Variants in SRRM2 observed in about 807,000 individuals in gnomAD.
SRRM2 encodes the protein serine/arginine repetitive matrix protein 2.
In SRRM2, 30 loss-of-function variants were observed where a neutral mutation model predicts 213.8. The ratio of observed to expected loss-of-function variants is 0.14; its 90% CI spans 0.10 to 0.19. The LOEUF (loss-of-function observed/expected upper bound fraction) is 0.19. Ranked by LOEUF, SRRM2 falls within the 10% of genes least tolerant of loss-of-function variation. SRRM2 has a pLI of 1.00. For synonymous variants in SRRM2, 2,025 were observed against 1,377.7 expected, an observed-to-expected ratio of 1.47 and a Z score of -10.40; for missense variants, 4,904 against 3,647.0, an observed-to-expected ratio of 1.34 and a Z score of -8.88.
intron 12 of SRRM2, chr16:2,770,080 C>A: frequency 7.8e-7 from 1 of 1,284,394 alleles, no homozygotes; most frequent in Non-Finnish European, 1.0e-6. Context: ...GCTTCCCACA[C>A]ACGGGGCCGT....
intron 1 of SRRM2, chr16:2,753,557 A>G (rs750784699): frequency 2.0e-5 from 3 of 152,172 alleles, no homozygotes; most frequent in South Asian, 2.1e-4. Context: ...CACTTTTTCA[A>G]CGTCTCCCGA....
In SRRM2 at chr16:2,767,348, A is replaced by C. The variant is rs1239621741; in HGVS notation, c.6820A>C (p.Arg2274=). The C allele has an allele frequency of 6.2e-7, 1 of 1,613,770 alleles. No homozygotes were observed. Among genetic ancestry groups the C allele is most frequent in the Non-Finnish European group, 8.5e-7 (1 of 1,180,050 alleles). The part of the protein sequence containing the change: ...AAAAMNLASP[R]TAVAPSAVNL... ...AGCGGCCATGAACTTGGCCAGCCCC[A>C]GAACAGCGGTGGCACCTTCGGCTGT... Residue 2274 remains arginine, a synonymous_variant, in exon 11 of 15, where the codon AGA becomes CGA. Coordinates refer to ENST00000301740, the MANE Select transcript of SRRM2 (RefSeq NM_016333.4).
rs2068265930 is a variant in SRRM2, at chr16:2,759,557, G to A, written c.741-12G>A. 1.9e-6 allele frequency: 3 copies of A among 1,614,000 alleles called. No homozygotes were observed. Among genetic ancestry groups the A allele is most frequent in the Non-Finnish European group, 2.5e-6 (3 of 1,179,924 alleles). On this transcript the variant is annotated splice_polypyrimidine_tract_variant and intron_variant, in intron 8 of 14. Transcript: ENST00000301740. Reference sequence around the variant, plus strand: ...AGCAGTACCCTGAGCTGTGGTGGTGGTCTTCCTTCAGGTCTCGAAGTACAA... The same window carrying A: ...AGCAGTACCCTGAGCTGTGGTGGTGATCTTCCTTCAGGTCTCGAAGTACAA...
Position 2,762,148 on chromosome 16 carries a change from A to C in SRRM2, c.1620A>C (p.Pro540=), listed in dbSNP as rs1465946503. Residue 540 remains proline, a synonymous_variant, in exon 11 of 15, where the codon CCA becomes CCC. Transcript: ENST00000301740. ...GCCGCTCTAGGTCTCCTCAGCGACC[A>C]GGCTGGTCTAGGAGCAGAAATACCC... ...RRGRSRSPQR[P]GWSRSRNTQR... The C allele has an allele frequency of 1.9e-6, 3 of 1,613,854 alleles. No homozygotes were observed. The highest frequency in any genetic ancestry group is 1.7e-6 in the Non-Finnish European group (2 of 1,179,922).
chr16:2,763,913 T>C lies in SRRM2; in HGVS notation c.3385T>C (p.Ser1129Pro), dbSNP rs1596281109. 1 of 1,614,234 alleles carries C rather than the reference T, an allele frequency of 6.2e-7. No homozygotes were observed. The highest frequency in any genetic ancestry group is 8.5e-7 in the Non-Finnish European group (1 of 1,180,042). Residue 1129 changes from serine (S) to proline (P), a missense_variant, in exon 11 of 15, where the codon TCT becomes CCT. Ser to Pro is a moderately conservative substitution (Grantham distance 74). Coordinates refer to ENST00000301740, the MANE Select transcript of SRRM2 (RefSeq NM_016333.4). ...GTTCTCAGCGAGTCCTATGTTGAAA[T>C]CTGGAATGTCTCCTGAGCAGAGCAG... is the stretch of plus-strand genomic sequence containing the variant. ...GEFSASPMLK[S>P]GMSPEQSRFQ... is the part of the protein sequence containing the mutation.
chr16:2,768,870 G>C, intron 11 of SRRM2, 127 bp from the exon 12 acceptor site: 1 of 1,540,502 alleles, frequency 6.5e-7, no homozygotes, highest in South Asian at 1.2e-5. Flanking sequence ...GCTGGCTCAC[G>C]TGGCTCGGAG....
intron 4 of SRRM2, 103 bp downstream of exon 4, chr16:2,758,048 A>G (rs1596265525): frequency 7.0e-6 from 10 of 1,425,178 alleles, no homozygotes; most frequent in Non-Finnish European, 8.5e-6. Flanking sequence ...AACTCTTCAG[A>G]TTTTGTTCTT....
At position 2,766,330 on chromosome 16, in the gene SRRM2, T is replaced by C. The variant is rs747813342; in HGVS notation, c.5802T>C (p.Arg1934=). The change falls in exon 11 of 15, where the codon CGT becomes CGC. Residue 1934 remains arginine, a synonymous_variant. Transcript: ENST00000301740. The surrounding 1 kb of genome is among the most constrained non-coding windows in gnomAD (Gnocchi z 7.0). ...GAACGCCACCAGTAACCCGCCGTCGTTCAAGGTCTAGAACGCCAACAACAC... is the reference window on the plus strand; with the variant it reads ...GAACGCCACCAGTAACCCGCCGTCGCTCAAGGTCTAGAACGCCAACAACAC... The part of the protein sequence containing the change: ...RSRTPPVTRR[R]SRSRTPTTRR... The C allele has an allele frequency of 5.0e-6, 8 of 1,613,910 alleles. No homozygotes were observed. In the African/African-American group the frequency reaches 1.1e-4, roughly 22 times the overall value.
rs1466211627 is a variant in SRRM2, at chr16:2,765,568, C to T, written c.5040C>T (p.Thr1680=). The change falls in exon 11 of 15, where the codon ACC becomes ACT. Residue 1680 remains threonine (T), a synonymous_variant. Transcript: ENST00000301740. Reference sequence around the variant, plus strand: ...CCAGGTCATCACCAGAGCCCAAGACCAAGTCTCGTACACCACCTCGACGTC... The same window carrying T: ...CCAGGTCATCACCAGAGCCCAAGACTAAGTCTCGTACACCACCTCGACGTC... ...RGSRSSPEPK[T]KSRTPPRRRS... 1 of 1,614,182 alleles carries T rather than the reference C, an allele frequency of 6.2e-7. No individual in the cohort carries two copies. The highest frequency in any genetic ancestry group is 1.3e-5 in the African/African-American group (1 of 75,038).
intron 12 of SRRM2, 148 bp downstream of exon 12, chr16:2,769,432 A>C: frequency 1.1e-6 from 1 of 908,972 alleles, no homozygotes; most frequent in Non-Finnish European, 1.7e-6. Flanking sequence ...TCCTCTCCCC[A>C]TGCTCGTTGC....
chr16:2,756,743 T>C, intron 2 of SRRM2, 137 bp downstream of exon 2: 10 of 1,231,526 alleles, frequency 8.1e-6, no homozygotes, highest in Non-Finnish European at 1.1e-5. Context: ...AGATGAGCTC[T>C]AGAGAAGTGA....
At position 2,764,922 on chromosome 16, in the gene SRRM2, G is replaced by A. The variant is rs773830405; in HGVS notation, c.4394G>A (p.Gly1465Glu). The change falls in exon 11 of 15, where the codon GGA becomes GAA. Residue 1465 changes from glycine to glutamate, a missense_variant. By Grantham distance (98) the Gly-to-Glu change is moderately conservative. Transcript: ENST00000301740. ...CACAGCCTGTCTGGGTCCTCTCCTGGAATGAAAGATATACCTAGAACGCCA... is the reference window on the plus strand; with the variant it reads ...CACAGCCTGTCTGGGTCCTCTCCTGAAATGAAAGATATACCTAGAACGCCA... ...SRHSLSGSSP[G>E]MKDIPRTPSR... is the part of the protein sequence containing the mutation. 6.2e-7 allele frequency: 1 copy of A among 1,614,136 alleles called. No individual in the cohort carries two copies. Among genetic ancestry groups the A allele is most frequent in the South Asian group, 1.1e-5 (1 of 91,084 alleles).
rs774968619 is a variant in SRRM2, at chr16:2,762,716, C to A, written c.2188C>A (p.Arg730=). The change falls in exon 11 of 15, where the codon CGG becomes AGG. Residue 730 remains arginine, a synonymous_variant. Coordinates refer to ENST00000301740, the MANE Select transcript of SRRM2 (RefSeq NM_016333.4). ...AGGCAGATCTGGCTCATCTTCAGAG[C>A]GGAAAAACAAATCCAGAACATCTCA... ...RRGRSGSSSE[R]KNKSRTSQRR... The A allele has an allele frequency of 6.2e-7, 1 of 1,614,014 alleles. No homozygotes were observed. Among genetic ancestry groups the A allele is most frequent in the African/African-American group, 1.3e-5 (1 of 74,884 alleles).
chr16:2,771,295 C>A lies in SRRM2; in HGVS notation c.*428C>A, dbSNP rs199911255. The A allele has an allele frequency of 1.0e-6, 1 of 977,378 alleles. No homozygotes were observed. The highest frequency in any genetic ancestry group is 1.6e-6 in the Non-Finnish European group (1 of 621,150). The allele number at this position is 977,378 out of a possible 1,614,324, so 60.5% of individuals were successfully genotyped here. A position where few individuals can be genotyped will look rare whatever the true frequency, so the allele number is the denominator to read the frequency against. On this transcript the variant is annotated 3_prime_UTR_variant, in exon 15 of 15. Coordinates refer to ENST00000301740, the MANE Select transcript of SRRM2 (RefSeq NM_016333.4). ...GAATTAGTTGGTCCCTACTGTCCCC[C>A]ATGAGGTTGTGAACCCCTCCCCCCA...
At chr16:2,760,788 G>A (rs537283892) in intron 10 of SRRM2, 225 of 328,346 alleles carry the variant, frequency 6.9e-4, no homozygotes, top group Non-Finnish European at 1.1e-3. Context: ...TGTGTACTCC[G>A]TATGATGCCT....
At chr16:2,770,056 G>A (rs1002407204) in intron 12 of SRRM2, 31 of 1,102,044 alleles carry the variant, frequency 2.8e-5, no homozygotes, top group Non-Finnish European at 3.2e-5. Flanking sequence ...CCAGAGCCAC[G>A]CACATCCAGC....
In SRRM2 at chr16:2,765,564, A is replaced by C. The variant is rs748508049; in HGVS notation, c.5036A>C (p.Lys1679Thr). Residue 1679 changes from lysine (K) to threonine (T), a missense_variant, in exon 11 of 15, where the codon AAG becomes ACG. Transcript: ENST00000301740. ...RRGSRSSPEP[K>T]TKSRTPPRRR... ...GGTTCCAGGTCATCACCAGAGCCCA[A>C]GACCAAGTCTCGTACACCACCTCGA... 6.2e-7 allele frequency: 1 copy of C among 1,614,192 alleles called. No individual in the cohort carries two copies. Among genetic ancestry groups the C allele is most frequent in the South Asian group, 1.1e-5 (1 of 91,078 alleles).
Position 2,759,400 on chromosome 16 carries a change from G to T in SRRM2, c.738G>T (p.Lys246Asn). Residue 246 changes from lysine to asparagine, a missense_variant and splice_region_variant, in exon 8 of 15, where the codon AAG (lysine) becomes AAT (asparagine). By Grantham distance (94) the Lys-to-Asn change is moderately conservative. Transcript: ENST00000301740. ...SKRKSKDKKR[K>N]RSRSTTPAPK... is the part of the protein sequence containing the mutation. The stretch of plus-strand genomic sequence containing the variant: ...GTAAATCTAAGGACAAAAAGCGAAA[G>T]CGGTGAGTGAATTTGTGGGGAATTT... 1 of 1,593,012 alleles carries T rather than the reference G, an allele frequency of 6.3e-7. No individual in the cohort carries two copies.
Position 2,769,117 on chromosome 16 carries a change from T to TTCCTCC in SRRM2, c.7872_7877dup (p.Ser2647_Ser2648dup), listed in dbSNP as rs531076704. The TTCCTCC allele has an allele frequency of 1.9e-5, 31 of 1,611,448 alleles. No homozygotes were observed. Among genetic ancestry groups the TTCCTCC allele is most frequent in the Middle Eastern group, 3.3e-4 (2 of 6,076 alleles). ...CCAGTTCCAGCTCCTCCTCTTCATC[T>TTCCTCC]TCCTCCTCCTCCTCCTCCTCCTCTT... On this transcript the variant is annotated inframe_insertion, in exon 12 of 15. Transcript: ENST00000301740.
Sources: gnomAD v4.1 joint callset for allele counts on GRCh38, gnomAD v4.1.1 for gene constraint, Gnocchi (gnomAD v3.1) non-coding constraint, MANE v1.5 for transcripts, NCBI Gene and HGNC (gene_info 2026-07-23, HGNC 2026-07-21) for gene names.